The following DROSHA variants were observed in gnomAD, a reference collection of about 807,000 sequenced individuals.
DROSHA encodes the protein ribonuclease 3.
A neutral mutation model predicts 181.9 loss-of-function variants in DROSHA; 56 were observed. The observed-to-expected ratio is 0.31, with a 90% CI of 0.25 to 0.38. The LOEUF is 0.38. Ranked by LOEUF, DROSHA falls within the 10% of genes least tolerant of loss-of-function variation. DROSHA has a pLI of 1.00. For missense variants in DROSHA, 1,218 were observed against 1,743.5 expected, an observed-to-expected ratio of 0.70 and a Z score of 5.37; for synonymous variants, 524 against 591.2, an observed-to-expected ratio of 0.89 and a Z score of 1.65.
intron 10 of DROSHA, 129 bp from the exon 11 acceptor site, chr5:31,504,764 A>G: frequency 6.8e-6 from 6 of 883,682 alleles, no homozygotes; most frequent in Non-Finnish European, 1.1e-5. Context: ...TCACGGTTAG[A>G]AGATTAAACG....
intron 20 of DROSHA, among the ~76,000 whole-genome samples, chr5:31,460,979 T>C (rs910869864): frequency 6.6e-6 from 1 of 152,160 alleles, no homozygotes; most frequent in Non-Finnish European, 1.5e-5. Context: ...TTAAAATCTT[T>C]ATGTTAAGAA....
chr5:31,472,111 C>A lies in DROSHA; in HGVS notation c.2193G>T (p.Gln731His), dbSNP rs1366306381. 6.2e-7 allele frequency: 1 copy of A among 1,613,816 alleles called. No individual in the cohort carries two copies. The highest frequency in any genetic ancestry group is 1.3e-5 in the African/African-American group (1 of 74,924). ...TGCCTTTGCATTCTTCTGCATATTT[C>A]TGCCACTCCAGCTCCTCCCACTGAA... ...NMLQWEELEW[Q>H]KYAEECKGMI... Residue 731 changes from glutamine to histidine, a missense_variant, in exon 17 of 36, where the codon CAG becomes CAT. This residue lies in a region of DROSHA where 460 missense variants were observed against 774.2 expected (regional missense o/e 0.59). Transcript: ENST00000344624.
chr5:31,418,283 CAG>C (rs761724140), intron 30 of DROSHA, among the ~76,000 whole-genome samples: 6 of 150,476 alleles, frequency 4.0e-5, no homozygotes, highest in Non-Finnish European at 4.4e-5. Flanking sequence ...GAGAGAGACA[CAG>C]AGAGAGAGAG....
At chr5:31,466,156 A>G in intron 19 of DROSHA, 26 bp downstream of exon 19, 2 of 1,605,018 alleles carry the variant, frequency 1.2e-6, no homozygotes, top group Non-Finnish European at 1.7e-6. Flanking sequence ...ATCGTTAATC[A>G]CCAAGGAATG....
intron 12 of DROSHA, among the ~76,000 whole-genome samples, chr5:31,493,614 C>T (rs962594571): frequency 6.6e-6 from 1 of 152,124 alleles, no homozygotes; most frequent in Admixed American, 6.6e-5. Flanking sequence ...AACTATGTTT[C>T]TGAACTAACA....
intron 23 of DROSHA, among the ~76,000 whole-genome samples, chr5:31,446,891 T>A (rs1295170764): frequency 6.6e-6 from 1 of 152,076 alleles, no homozygotes; most frequent in Non-Finnish European, 1.5e-5. Flanking sequence ...AATATAAAAA[T>A]TAGCCAGGCA....
chr5:31,409,537 A>G lies in DROSHA; in HGVS notation c.3668-205T>C, dbSNP rs761763017. 1 of 560,550 alleles carries G rather than the reference A, an allele frequency of 1.8e-6. No homozygotes were observed. The allele number at this position is 560,550 out of a possible 1,614,324, so 34.7% of individuals were successfully genotyped here. ...GAGATGTGTAAGATGCAAATCATAG[A>G]GTACAAACACCAAACTGCATTTAGC... On this transcript the variant is annotated intron_variant, in intron 31 of 35. Coordinates refer to ENST00000344624, the MANE Select transcript of DROSHA (RefSeq NM_001382508.1). The surrounding 1 kb of genome is among the most constrained non-coding windows in gnomAD (Gnocchi z 4.0).
chr5:31,423,151 T>A, intron 28 of DROSHA: 1 of 491,914 alleles, frequency 2.0e-6, no homozygotes, highest in Admixed American at 3.9e-5. Context: ...TATTTTCCAA[T>A]CTTCTATCAA....
chr5:31,450,853 A>C (rs1580137840), intron 21 of DROSHA, among the ~76,000 whole-genome samples: 1 of 152,182 alleles, frequency 6.6e-6, no homozygotes, highest in East Asian at 1.9e-4. Context: ...AAACAAACAA[A>C]AAACGAATTT....
chr5:31,515,955 G>C (rs1739229686), intron 6 of DROSHA, among the ~76,000 whole-genome samples: 1 of 152,196 alleles, frequency 6.6e-6, no homozygotes, highest in Non-Finnish European at 1.5e-5. Flanking sequence ...TGTACTTGGA[G>C]GGAAAAACCT....
intron 12 of DROSHA, among the ~76,000 whole-genome samples, chr5:31,494,017 G>A (rs1752694945): frequency 6.7e-6 from 1 of 150,200 alleles, no homozygotes; most frequent in Admixed American, 6.6e-5. Flanking sequence ...TCCCCAGGCT[G>A]GAGTGCAGTG....
In DROSHA at chr5:31,411,429, A is replaced by C. The variant is rs1360994174; in HGVS notation, c.3526-542T>G. On this transcript the variant is annotated intron_variant, in intron 30 of 35. Coordinates refer to ENST00000344624, the MANE Select transcript of DROSHA (RefSeq NM_001382508.1). The surrounding 1 kb of genome is among the most constrained non-coding windows in gnomAD (Gnocchi z 4.2). Reference sequence around the variant, plus strand: ...CAAACGGCCTGCTTTTTGTCACTGTACATTAATTTTAAAGGATTTTTTTTT... The same window carrying C: ...CAAACGGCCTGCTTTTTGTCACTGTCCATTAATTTTAAAGGATTTTTTTTT... Among the ~76,000 whole-genome samples the C allele has an allele frequency of 1.3e-5, 2 of 151,922 alleles. No individual in the cohort carries two copies. Among genetic ancestry groups the C allele is most frequent in the Admixed American group, 1.3e-4 (2 of 15,268 alleles).
chr5:31,451,439 C>A, intron 21 of DROSHA, 94 bp downstream of exon 21: 1 of 1,046,610 alleles, frequency 9.6e-7, no homozygotes, highest in Non-Finnish European at 1.4e-6. Flanking sequence ...CTTGTCACAT[C>A]CCAGGATAGA....
chr5:31,508,794 A>C lies in DROSHA; in HGVS notation c.1433-19T>G, dbSNP rs765089415. ...GAACTCTCTAACAGGGGTTGGGAGA[A>C]AAATACAGAAATTGATGGAATTAAC... is the stretch of plus-strand genomic sequence containing the variant. On this transcript the variant is annotated intron_variant, in intron 9 of 35. Coordinates refer to ENST00000344624, the MANE Select transcript of DROSHA (RefSeq NM_001382508.1). The C allele has an allele frequency of 3.1e-6, 5 of 1,597,840 alleles. No homozygotes were observed. In the South Asian group the frequency reaches 4.6e-5, roughly 15 times the overall value.
At position 31,528,643 on chromosome 5, in the gene DROSHA, T is replaced by G. The variant is rs545491399; in HGVS notation, c.20+397A>C. On this transcript the variant is annotated intron_variant, in intron 4 of 35. Transcript: ENST00000344624. ...ATCATCACCTCTTACATGGCTATTA[T>G]AATAATATCCTTGCTGGCCTTTCTA... Among the ~76,000 whole-genome samples the G allele has an allele frequency of 1.8e-4, 27 of 152,354 alleles. No individual in the cohort carries two copies. The South Asian group carries it at 5.6e-3, about 32-fold the overall frequency.
intron 6 of DROSHA, among the ~76,000 whole-genome samples, chr5:31,518,053 C>T (rs762099952): frequency 6.6e-6 from 1 of 152,190 alleles, no homozygotes; most frequent in Admixed American, 6.5e-5. Flanking sequence ...ACAAACATCA[C>T]AGTGTGCCTA....
intron 23 of DROSHA, among the ~76,000 whole-genome samples, chr5:31,443,905 G>A (rs1434841469): frequency 6.6e-6 from 1 of 152,162 alleles, no homozygotes; most frequent in Non-Finnish European, 1.5e-5. Context: ...TTCTGTGAAA[G>A]GCACTAGTTA....
chr5:31,515,360 T>C, intron 7 of DROSHA, 94 bp downstream of exon 7: 1 of 1,087,952 alleles, frequency 9.2e-7, no homozygotes, highest in Non-Finnish European at 1.3e-6. Flanking sequence ...GTTAAACCAG[T>C]GACTCCCAAA....
At position 31,409,164 on chromosome 5, in the gene DROSHA, G is replaced by A. The variant is rs757353501; in HGVS notation, c.3751-5C>T. ...ATCCTGATTCAAAATGAACTCCTGT[G>A]GAAGTCCCCCAAAACTATTTAGTAA... On this transcript the variant is annotated splice_polypyrimidine_tract_variant and splice_region_variant and intron_variant, in intron 32 of 35. Transcript: ENST00000344624. This position sits in a 1 kb window ranked among gnomAD's most constrained non-coding sequence, Gnocchi z 4.0. 1.2e-6 allele frequency: 2 copies of A among 1,613,370 alleles called. No homozygotes were observed. Among genetic ancestry groups the A allele is most frequent in the Non-Finnish European group, 1.7e-6 (2 of 1,179,684 alleles).
Sources: allele counts gnomAD v4.1 joint callset (sites outside exome capture counted in the v4.1 genomes callset), GRCh38; gene constraint gnomAD v4.1.1; regional missense constraint gnomAD v4.1.1; non-coding constraint Gnocchi (gnomAD v3.1); transcripts MANE v1.5; gene names NCBI Gene and HGNC (gene_info 2026-07-23, HGNC 2026-07-21).